Variants in SNX29 observed in about 807,000 individuals in gnomAD.
SNX29 encodes the protein sorting nexin-29.
In SNX29, 78 loss-of-function variants were observed where a neutral mutation model predicts 102.1. The observed-to-expected ratio is 0.76, with a 90% CI of 0.64 to 0.92. SNX29 has a LOEUF of 0.92. Ranked by LOEUF, SNX29 falls within the 40% of genes least tolerant of loss-of-function variation. The pLI, the probability that SNX29 is intolerant of heterozygous loss-of-function variation, is 0.00. For synonymous variants in SNX29, 580 were observed against 414.5 expected (o/e 1.40, Z -4.85); for missense variants, 1,280 against 1,061.7 (o/e 1.21, Z -2.86).
At chr16:12,307,706 G>C (rs755411565) in intron 15 of SNX29, among the ~76,000 whole-genome samples, 92 of 152,200 alleles carry the variant, frequency 6.0e-4, no homozygotes, top group Non-Finnish European at 1.0e-3. Flanking sequence ...TGTCTTGAGG[G>C]CCTGCCTGTC....
intron 18 of SNX29, among the ~76,000 whole-genome samples, chr16:12,438,388 TC>T (rs1248991207): frequency 6.6e-6 from 1 of 151,938 alleles, no homozygotes; most frequent in South Asian, 2.1e-4. Context: ...CCTTCTCCTT[TC>T]CCCCTTACCA....
chr16:12,045,722 C>G (rs2050061079), intron 5 of SNX29, among the ~76,000 whole-genome samples: 1 of 151,700 alleles, frequency 6.6e-6, no homozygotes, highest in Non-Finnish European at 1.5e-5. Flanking sequence ...CCTCCAGGTT[C>G]AAGCGATTCT....
At chr16:12,547,930 C>A (rs764937464) in intron 20 of SNX29, among the ~76,000 whole-genome samples, 1 of 152,162 alleles carries the variant, frequency 6.6e-6, no homozygotes, top group South Asian at 2.1e-4. Context: ...AGGGATACCT[C>A]AATTCCCAGT....
At chr16:12,337,489 G>A (rs771132961) in intron 15 of SNX29, among the ~76,000 whole-genome samples, 23 of 151,960 alleles carry the variant, frequency 1.5e-4, no homozygotes, top group Non-Finnish European at 2.6e-4. Context: ...CTACAGGCAC[G>A]TACCATCATG....
intron 13 of SNX29, among the ~76,000 whole-genome samples, chr16:12,133,392 G>C (rs955339401): frequency 7.1e-6 from 1 of 141,458 alleles, no homozygotes; most frequent in Admixed American, 7.5e-5. Context: ...CTGGGCTCAA[G>C]CAATTCTCCC....
intron 16 of SNX29, among the ~76,000 whole-genome samples, chr16:12,362,258 C>T (rs973616926): frequency 2.0e-5 from 3 of 152,174 alleles, no homozygotes; most frequent in African/African-American, 4.8e-5. Flanking sequence ...GGGTGGAAAT[C>T]CTCAGTGTAG....
At chr16:12,557,029 C>T (rs1309362715) in intron 20 of SNX29, among the ~76,000 whole-genome samples, 4 of 126,750 alleles carry the variant, frequency 3.2e-5, no homozygotes, top group Non-Finnish European at 6.7e-5. Context: ...CCCCCCCGCC[C>T]CAAGATGAGG....
At chr16:12,527,072 C>A (rs766918007) in intron 20 of SNX29, 6 of 438,320 alleles carry the variant, frequency 1.4e-5, no homozygotes, top group Admixed American at 3.1e-5. Flanking sequence ...TTGGTCTAGA[C>A]CCCAGTTGAA....
At chr16:12,075,892 C>T (rs565938636) in intron 10 of SNX29, among the ~76,000 whole-genome samples, 22 of 152,320 alleles carry the variant, frequency 1.4e-4, no homozygotes, top group Admixed American at 6.5e-4. Flanking sequence ...CCACCAGCCT[C>T]GCTGCCGCCT....
At chr16:12,023,886 A>T (rs1307567098) in intron 3 of SNX29, among the ~76,000 whole-genome samples, 1 of 152,150 alleles carries the variant, frequency 6.6e-6, no homozygotes, top group Non-Finnish European at 1.5e-5. Context: ...ATCTCCTGAG[A>T]TGCATCTCCC....
rs114434653 is a variant in SNX29, at chr16:12,417,164, C to G, written c.2037+13635C>G. Among the ~76,000 whole-genome samples the G allele has an allele frequency of 3.1e-3, 479 of 152,322 alleles. 2 individuals carry two copies. Among genetic ancestry groups the G allele is most frequent in the African/African-American group, 0.011 (466 of 41,570 alleles). ...GGCGGTTTGCATTCTACTCCATAAT[C>G]CATCCGTATCTTACTGTTTATGAAA... On this transcript the variant is annotated intron_variant, in intron 18 of 20. Coordinates refer to ENST00000566228, the MANE Select transcript of SNX29 (RefSeq NM_032167.5).
intron 16 of SNX29, among the ~76,000 whole-genome samples, chr16:12,361,350 A>T (rs564152274): frequency 6.6e-6 from 1 of 152,350 alleles, no homozygotes; most frequent in African/African-American, 2.4e-5. Context: ...ATGGTAGGTG[A>T]CTGTTGTCAC....
In SNX29 at chr16:12,391,889, G is replaced by A. The variant is rs115647006; in HGVS notation, c.1900-6557G>A. ...CGATTTAAAATTGCGTGATTGTTAC[G>A]TTGATTTTTTGAAAGGTTAACAAGT... is the stretch of plus-strand genomic sequence containing the variant. On this transcript the variant is annotated intron_variant, in intron 16 of 20. Transcript: ENST00000566228. Among the ~76,000 whole-genome samples the A allele has an allele frequency of 3.2e-3, 492 of 152,192 alleles. 5 individuals are homozygous for A. Among genetic ancestry groups the A allele is most frequent in the African/African-American group, 0.011 (449 of 41,540 alleles).
intron 15 of SNX29, among the ~76,000 whole-genome samples, chr16:12,327,826 C>A (rs2081167448): frequency 6.6e-6 from 1 of 152,096 alleles, no homozygotes; most frequent in South Asian, 2.1e-4. Context: ...GAGGTCACTC[C>A]CATGAGGTGA....
intron 15 of SNX29, among the ~76,000 whole-genome samples, chr16:12,333,007 A>T (rs999334253): frequency 1.3e-5 from 2 of 152,158 alleles, no homozygotes; most frequent in African/African-American, 4.8e-5. Flanking sequence ...AGGAAATGGA[A>T]GAAGGGAGGA....
chr16:12,348,396 A>T (rs1053432827), intron 15 of SNX29, among the ~76,000 whole-genome samples: 7 of 152,180 alleles, frequency 4.6e-5, no homozygotes, highest in Middle Eastern at 3.4e-3. Context: ...CGAGGTTCTT[A>T]CTTACTCTAG....
rs555421242 is a variant in SNX29, at chr16:12,130,446, G to T, written c.1595+688G>T. Among the ~76,000 whole-genome samples, 18 of 122,342 alleles carry T rather than the reference G, an allele frequency of 1.5e-4. No individual in the cohort carries two copies. In the South Asian group the frequency reaches 4.7e-3, roughly 32 times the overall value. The allele number at this position is 122,342 out of a possible 152,430, so 80.3% of individuals were successfully genotyped here. On this transcript the variant is annotated intron_variant, in intron 13 of 20. Coordinates refer to ENST00000566228, the MANE Select transcript of SNX29 (RefSeq NM_032167.5). ...GCTGAGATCACGCCACTGCACTCCA[G>T]CCTGGGCGACAGAGCGAGACTCCGT...
intron 11 of SNX29, among the ~76,000 whole-genome samples, chr16:12,097,356 A>G (rs1374707432): frequency 6.6e-6 from 1 of 152,162 alleles, no homozygotes; most frequent in Non-Finnish European, 1.5e-5. Flanking sequence ...TTTTAGCTTC[A>G]CCTGGAGACC....
At chr16:12,082,670 G>T (rs2051965946) in intron 11 of SNX29, among the ~76,000 whole-genome samples, 1 of 152,178 alleles carries the variant, frequency 6.6e-6, no homozygotes, top group Non-Finnish European at 1.5e-5. Flanking sequence ...CACCATGTCT[G>T]CATTTGAGCC....
Sources: gnomAD v4.1 joint callset for allele counts (sites outside exome capture counted in the v4.1 genomes callset) on GRCh38, gnomAD v4.1.1 for gene constraint, MANE v1.5 for transcripts, NCBI Gene and HGNC (gene_info 2026-07-23, HGNC 2026-07-21) for gene names.